RBFOX1: variants seen among roughly 807,000 people sequenced by gnomAD.
RBFOX1 encodes the protein RNA binding protein fox-1 homolog 1.
A neutral mutation model predicts 57.7 loss-of-function variants in RBFOX1; 8 were observed. That is an observed-to-expected ratio of 0.14 (90% CI 0.08 to 0.25). The LOEUF (loss-of-function observed/expected upper bound fraction) is 0.25. Ranked by LOEUF, RBFOX1 falls within the 10% of genes least tolerant of loss-of-function variation. RBFOX1 has a pLI of 1.00. For synonymous variants in RBFOX1, 326 were observed against 222.4 expected, an observed-to-expected ratio of 1.47 and a Z score of -4.15; for missense variants, 611 against 548.5, an observed-to-expected ratio of 1.11 and a Z score of -1.14.
rs115142261 is a variant in RBFOX1 at position 6,550,099 on chromosome 16, A to G, written c.-63-104504A>G. ...CTGTTCACTTGTGCCTCCAGCTGAAACATTTTTCTCTTCGCTCTGTTTGGA... is the reference window on the plus strand; with the variant it reads ...CTGTTCACTTGTGCCTCCAGCTGAAGCATTTTTCTCTTCGCTCTGTTTGGA... On this transcript the variant is annotated intron_variant, in intron 2 of 15. Coordinates refer to ENST00000550418, the MANE Select transcript of RBFOX1 (RefSeq NM_018723.4). 8.8e-3 allele frequency among the ~76,000 whole-genome samples: 1,339 copies of G among 152,176 alleles called. 25 individuals are homozygous for G. Among genetic ancestry groups the G allele is most frequent in the African/African-American group, 0.03 (1,253 of 41,524 alleles).
rs372413669 is a variant in RBFOX1, at chr16:7,456,313, C to T, written c.28-61834C>T. 3.9e-5 allele frequency among the ~76,000 whole-genome samples: 6 copies of T among 152,192 alleles called. No homozygotes were observed. In the East Asian group the frequency reaches 5.8e-4, roughly 15 times the overall value. On this transcript the variant is annotated intron_variant, in intron 4 of 15. Coordinates refer to ENST00000550418, the MANE Select transcript of RBFOX1 (RefSeq NM_018723.4). ...GAAGGTACCTGGTTCATTCTTCAAG[C>T]TGTGTGTGGATTCTCATTGTGAAGT... is the stretch of plus-strand genomic sequence containing the variant.
chr16:5,539,365 G>C (rs2044837556), intron 2 of RBFOX1, among the ~76,000 whole-genome samples: 1 of 151,950 alleles, frequency 6.6e-6, no homozygotes, highest in African/African-American at 2.4e-5. Context: ...GGCTGAGGCG[G>C]GTGGATCACT....
intron 2 of RBFOX1, among the ~76,000 whole-genome samples, chr16:6,614,705 G>C (rs938403593): frequency 6.6e-6 from 1 of 151,984 alleles, no homozygotes; most frequent in Non-Finnish European, 1.5e-5. Context: ...TCGGCTTATG[G>C]GTCTATCACT....
At chr16:6,214,338 G>T (rs912811309) in intron 1 of RBFOX1, among the ~76,000 whole-genome samples, 1 of 149,732 alleles carries the variant, frequency 6.7e-6, no homozygotes, top group Non-Finnish European at 1.5e-5. Context: ...AGGGGGAGAG[G>T]GAGAAGGGGA....
At chr16:7,269,043 C>CAAAAAAA (rs56297510) in intron 4 of RBFOX1, among the ~76,000 whole-genome samples, 2 of 52,294 alleles carry the variant, frequency 3.8e-5, no homozygotes, top group African/African-American at 6.2e-5. Context: ...TCTTCCATCT[C>CAAAAAAA]AAAAAAAAAA....
chr16:7,667,475 A>G (rs996731643), intron 13 of RBFOX1, among the ~76,000 whole-genome samples: 9 of 152,218 alleles, frequency 5.9e-5, no homozygotes, highest in Admixed American at 3.3e-4. Context: ...ATGAGTGGAA[A>G]TATCCCCAAG....
chr16:7,138,080 G>A (rs556007200), intron 4 of RBFOX1, among the ~76,000 whole-genome samples: 6 of 152,176 alleles, frequency 3.9e-5, no homozygotes, highest in African/African-American at 1.4e-4. Flanking sequence ...AATGTTTGGA[G>A]AGAATGGTGA....
chr16:5,296,831 A>C (rs1374354351), intron 1 of RBFOX1, among the ~76,000 whole-genome samples: 1 of 151,894 alleles, frequency 6.6e-6, no homozygotes, highest in East Asian at 1.9e-4. Context: ...GGCACGCACC[A>C]CCACGCCCAG....
At chr16:6,894,367 T>C (rs1567755417) in intron 3 of RBFOX1, among the ~76,000 whole-genome samples, 1 of 152,180 alleles carries the variant, frequency 6.6e-6, no homozygotes, top group African/African-American at 2.4e-5. Flanking sequence ...GTCTCATGGA[T>C]GGGTGAAATG....
intron 4 of RBFOX1, among the ~76,000 whole-genome samples, chr16:5,957,381 A>T (rs539964156): frequency 5.9e-5 from 9 of 151,884 alleles, no homozygotes; most frequent in African/African-American, 1.7e-4. Flanking sequence ...TGCCCAGCTA[A>T]TTTTTGTATT....
intron 1 of RBFOX1, among the ~76,000 whole-genome samples, chr16:6,023,390 C>T (rs572002279): frequency 8.0e-4 from 122 of 152,024 alleles, no homozygotes; most frequent in African/African-American, 2.8e-3. Flanking sequence ...TCGAACCATC[C>T]CAAGCTATTA....
intron 3 of RBFOX1, among the ~76,000 whole-genome samples, chr16:5,841,208 C>A (rs909842782): frequency 1.3e-5 from 2 of 152,146 alleles, no homozygotes; most frequent in Non-Finnish European, 2.9e-5. Flanking sequence ...CACCACCAAT[C>A]CAGTGTCATG....
At chr16:7,344,907 A>G (rs1413258482) in intron 4 of RBFOX1, among the ~76,000 whole-genome samples, 1 of 152,172 alleles carries the variant, frequency 6.6e-6, no homozygotes, top group African/African-American at 2.4e-5. Flanking sequence ...GGCTAATGCG[A>G]TATTGTGCCG....
At chr16:6,985,579 G>A (rs1284196664) in intron 3 of RBFOX1, among the ~76,000 whole-genome samples, 2 of 152,180 alleles carry the variant, frequency 1.3e-5, no homozygotes, top group Admixed American at 6.5e-5. Flanking sequence ...TGTAATCCCA[G>A]CACTTTGGGA....
chr16:6,688,366 G>A (rs1181945232), intron 3 of RBFOX1, among the ~76,000 whole-genome samples: 1 of 152,120 alleles, frequency 6.6e-6, no homozygotes, highest in Admixed American at 6.5e-5. Context: ...CCTCTCATCA[G>A]GCCCCACCTT....
At chr16:6,940,152 G>T (rs1333352901) in intron 3 of RBFOX1, among the ~76,000 whole-genome samples, 1 of 151,964 alleles carries the variant, frequency 6.6e-6, no homozygotes, top group African/African-American at 2.4e-5. Flanking sequence ...AGATCACGCT[G>T]CTCCACTCCA....
At chr16:5,614,227 C>G (rs56098949) in intron 3 of RBFOX1, among the ~76,000 whole-genome samples, 75,823 of 151,942 alleles carry the variant, frequency 0.5, 21,714 homozygotes, top group Non-Finnish European at 0.66. Flanking sequence ...ACAACTGAGA[C>G]TGCAGACATT....
At position 5,951,660 on chromosome 16, in the gene RBFOX1, C is replaced by A. The variant is rs1016167521; in HGVS notation, c.351+84325C>A. 7.9e-5 allele frequency among the ~76,000 whole-genome samples: 12 copies of A among 152,230 alleles called. No individual in the cohort carries two copies. In the East Asian group the frequency reaches 1.4e-3, roughly 17 times the overall value. On this transcript the variant is annotated intron_variant, in intron 4 of 19. Transcript: ENST00000641259. Reference sequence around the variant, plus strand: ...CTTATCAGCAGAAACAGTCCCTGCACTGCTGAGTCTCCCCTATGACCGTCC... The same window carrying A: ...CTTATCAGCAGAAACAGTCCCTGCAATGCTGAGTCTCCCCTATGACCGTCC...
Position 5,878,699 on chromosome 16 carries a change from A to C in RBFOX1, c.351+11364A>C, listed in dbSNP as rs530628671. ...CACCGGAATGACAATCGGGGTCGAA[A>C]AAAAAGAGTTATTGCAATTCTGGCT... On this transcript the variant is annotated intron_variant, in intron 4 of 19. Coordinates refer to the RBFOX1 transcript ENST00000641259. Among the ~76,000 whole-genome samples the C allele has an allele frequency of 4.4e-3, 630 of 144,644 alleles. 5 individuals carry two copies. The highest frequency in any genetic ancestry group is 0.017 in the African/African-American group (611 of 36,882). The allele number at this position is 144,644 out of a possible 152,430, so 94.9% of individuals were successfully genotyped here.
Sources: allele counts gnomAD v4.1 joint callset (sites outside exome capture counted in the v4.1 genomes callset), GRCh38; gene constraint gnomAD v4.1.1; transcripts MANE v1.5; gene names NCBI Gene and HGNC (gene_info 2026-07-23, HGNC 2026-07-21).